The following RERE variants were observed in gnomAD, a reference collection of about 807,000 sequenced individuals.
RERE encodes the protein arginine-glutamic acid dipeptide repeats.
A neutral mutation model predicts 146.1 loss-of-function variants in RERE; 40 were observed. The ratio of observed to expected loss-of-function variants is 0.27; its 90% CI spans 0.21 to 0.36. The LOEUF (loss-of-function observed/expected upper bound fraction) is 0.36. RERE is among the 10% of genes least tolerant of loss of function. The pLI, the probability that RERE is intolerant of heterozygous loss-of-function variation, is 1.00. For missense variants in RERE, 1,933 were observed against 2,138.7 expected, an observed-to-expected ratio of 0.90 and a Z score of 1.90; for synonymous variants, 1,003 against 866.0, an observed-to-expected ratio of 1.16 and a Z score of -2.78.
intron 10 of RERE, among the ~76,000 whole-genome samples, chr1:8,476,394 C>A (rs74747209): frequency 6.6e-6 from 1 of 152,054 alleles, no homozygotes; most frequent in African/African-American, 2.4e-5. Flanking sequence ...GCAATGGGTA[C>A]GGGGACTTTT....
intron 1 of RERE, among the ~76,000 whole-genome samples, chr1:8,754,441 C>G (rs1640596463): frequency 6.6e-6 from 1 of 152,142 alleles, no homozygotes; most frequent in Non-Finnish European, 1.5e-5. Flanking sequence ...CTTTAAAAAG[C>G]AACATTATGA....
chr1:8,794,312 C>T (rs951897693), intron 1 of RERE, among the ~76,000 whole-genome samples: 2 of 133,188 alleles, frequency 1.5e-5, no homozygotes, highest in South Asian at 2.6e-4. Context: ...GAGCCGAGAT[C>T]GTGCCACTGC....
rs1470302035 is a variant in RERE, at chr1:8,358,803, G to A, written c.3732C>T (p.Pro1244=). The A allele has an allele frequency of 2.5e-6, 4 of 1,612,272 alleles. No individual in the cohort carries two copies. The highest frequency in any genetic ancestry group is 2.2e-5 in the East Asian group (1 of 44,860). The change falls in exon 20 of 23, where the codon CCC becomes CCT. Residue 1244 remains proline (P), a synonymous_variant. Coordinates refer to ENST00000400908, the MANE Select transcript of RERE (RefSeq NM_001042681.2). Reference sequence around the variant, plus strand: ...GGGCAGGTGTGTCGGGCCCGATGTAGGGGGGCACAGCAGCAATGGTGGTTG... The same window carrying A: ...GGGCAGGTGTGTCGGGCCCGATGTAAGGGGGCACAGCAGCAATGGTGGTTG... ...PPPTTIAAVP[P]YIGPDTPALR...
chr1:8,433,791 A>G (rs557299383), intron 11 of RERE, among the ~76,000 whole-genome samples: 1 of 150,862 alleles, frequency 6.6e-6, no homozygotes, highest in African/African-American at 2.4e-5. Context: ...CGATCTCCTG[A>G]CCTCATGATC....
In RERE at chr1:8,423,521, C is replaced by T. The variant is rs1643947214; in HGVS notation, c.1204-714G>A. The T allele has an allele frequency of 2.0e-6, 2 of 984,196 alleles. No individual in the cohort carries two copies. Among genetic ancestry groups the T allele is most frequent in the Non-Finnish European group, 2.4e-6 (2 of 828,828 alleles). 61.0% of individuals were successfully genotyped at this position (984,196 alleles called of 1,614,324 possible). ...GTCCCATGCCTCCCGAGCACCCCTC[C>T]CCGCCCCGGTGGGGGCAGCTCCTGG... On this transcript the variant is annotated intron_variant, in intron 11 of 22. Coordinates refer to ENST00000400908, the MANE Select transcript of RERE (RefSeq NM_001042681.2). This position sits in a 1 kb window ranked among gnomAD's most constrained non-coding sequence, Gnocchi z 5.4.
At chr1:8,742,324 A>G (rs567182072) in intron 1 of RERE, among the ~76,000 whole-genome samples, 7 of 152,332 alleles carry the variant, frequency 4.6e-5, no homozygotes, top group South Asian at 2.1e-4. Flanking sequence ...CCCAAAGGGA[A>G]TATCTCTCTG....
chr1:8,665,381 T>C (rs887378548), intron 1 of RERE, among the ~76,000 whole-genome samples: 2 of 152,206 alleles, frequency 1.3e-5, no homozygotes, highest in Non-Finnish European at 2.9e-5. Context: ...TCCAATTCCT[T>C]AACTCACTGC....
intron 1 of RERE, among the ~76,000 whole-genome samples, chr1:8,752,380 G>A (rs764201293): frequency 4.3e-4 from 65 of 151,942 alleles, no homozygotes; most frequent in Non-Finnish European, 8.2e-4. Context: ...AATACTCCCA[G>A]TATCATCTAG....
intron 8 of RERE, among the ~76,000 whole-genome samples, chr1:8,499,726 C>G (rs1570344672): frequency 6.6e-6 from 1 of 152,222 alleles, no homozygotes; most frequent in Non-Finnish European, 1.5e-5. Flanking sequence ...TTTCTCCAAG[C>G]AAGGATGTTC....
At chr1:8,658,357 G>T (rs1212485807) in intron 1 of RERE, among the ~76,000 whole-genome samples, 1 of 152,162 alleles carries the variant, frequency 6.6e-6, no homozygotes, top group Non-Finnish European at 1.5e-5. Flanking sequence ...CATGCAACTA[G>T]GGTGAGAAAG....
At chr1:8,528,934 C>T (rs547322875) in intron 7 of RERE, among the ~76,000 whole-genome samples, 2 of 152,226 alleles carry the variant, frequency 1.3e-5, no homozygotes, top group South Asian at 4.1e-4. Context: ...TGTGATCTGT[C>T]ACAGGAGGTC....
chr1:8,411,020 A>C (rs998259345), intron 12 of RERE, among the ~76,000 whole-genome samples: 3 of 152,224 alleles, frequency 2.0e-5, no homozygotes, highest in African/African-American at 7.2e-5. Flanking sequence ...GTTGCAACAA[A>C]TGTAAGTATT....
intron 12 of RERE, among the ~76,000 whole-genome samples, chr1:8,393,293 T>C (rs1642946923): frequency 6.6e-6 from 1 of 152,202 alleles, no homozygotes; most frequent in African/African-American, 2.4e-5. Flanking sequence ...TATTTCCGCC[T>C]CCATCAAGGG....
chr1:8,785,445 T>C (rs1641242195), intron 1 of RERE, among the ~76,000 whole-genome samples: 2 of 152,242 alleles, frequency 1.3e-5, no homozygotes, highest in South Asian at 2.1e-4. Context: ...GAGGAAAATA[T>C]GCACATCTGC....
At chr1:8,463,935 T>C (rs976618286) in intron 11 of RERE, among the ~76,000 whole-genome samples, 9 of 152,238 alleles carry the variant, frequency 5.9e-5, no homozygotes, top group Non-Finnish European at 1.2e-4. Context: ...ACTTGTTCCA[T>C]CCTTTTCATC....
At chr1:8,560,746 A>C (rs563335543) in intron 4 of RERE, among the ~76,000 whole-genome samples, 1 of 152,332 alleles carries the variant, frequency 6.6e-6, no homozygotes, top group African/African-American at 2.4e-5. Context: ...AAATCTGAAG[A>C]ACTGTGCCGA....
chr1:8,751,976 C>T (rs1640546639), intron 1 of RERE, among the ~76,000 whole-genome samples: 1 of 149,908 alleles, frequency 6.7e-6, no homozygotes, highest in South Asian at 2.1e-4. Context: ...AAGATCAATT[C>T]AATATAATAA....
chr1:8,735,634 G>A (rs916245057), intron 1 of RERE, among the ~76,000 whole-genome samples: 1 of 152,138 alleles, frequency 6.6e-6, no homozygotes, highest in African/African-American at 2.4e-5. Context: ...GTAATCCCCA[G>A]TGTTGGAGGT....
intron 4 of RERE, among the ~76,000 whole-genome samples, chr1:8,568,744 G>GA: frequency 6.6e-6 from 1 of 152,090 alleles, no homozygotes. Flanking sequence ...CAGGTATTCA[G>GA]AAAAAAAGAC....
Sources: gnomAD v4.1 joint callset for allele counts (sites outside exome capture counted in the v4.1 genomes callset) on GRCh38, gnomAD v4.1.1 for gene constraint, Gnocchi (gnomAD v3.1) non-coding constraint, MANE v1.5 for transcripts, NCBI Gene and HGNC (gene_info 2026-07-23, HGNC 2026-07-21) for gene names.